Variants in LMO3 observed in about 807,000 individuals in gnomAD.
LMO3 encodes the protein LIM domain only protein 3.
In LMO3, 2 loss-of-function variants were observed where a neutral mutation model predicts 15.8. The ratio of observed to expected loss-of-function variants is 0.13; its 90% CI spans 0.05 to 0.40. The LOEUF is 0.40. LMO3 is among the 10% of genes least tolerant of loss of function. LMO3 has a pLI of 0.99. For missense variants in LMO3, 86 were observed against 182.2 expected, an observed-to-expected ratio of 0.47 and a Z score of 3.04; for synonymous variants, 62 against 63.8, an observed-to-expected ratio of 0.97 and a Z score of 0.13.
chr12:16,583,967 G>A (rs570975960), intron 2 of LMO3, among the ~76,000 whole-genome samples: 1 of 152,326 alleles, frequency 6.6e-6, no homozygotes, highest in Non-Finnish European at 1.5e-5. Context: ...CAGGACTACA[G>A]TGTGGAGTTT....
rs1486201753 is a variant in LMO3, at chr12:16,600,867, AC to A, written c.-8del. On this transcript the variant is annotated splice_region_variant and 5_prime_UTR_variant, in exon 2 of 4. Transcript: ENST00000537304. ...CTGGCTGGACTGAGAGCATTTGTATACCTAAAGGAAGACAAAAGCAAAAAAG... is the reference window on the plus strand; with the variant it reads ...CTGGCTGGACTGAGAGCATTTGTATACTAAAGGAAGACAAAAGCAAAAAAG... 1 of 1,612,344 alleles carries A rather than the reference AC, an allele frequency of 6.2e-7. No individual in the cohort carries two copies. Among genetic ancestry groups the A allele is most frequent in the Non-Finnish European group, 8.5e-7 (1 of 1,179,014 alleles).
intron 2 of LMO3, among the ~76,000 whole-genome samples, chr12:16,574,746 C>T (rs1011302267): frequency 6.6e-6 from 1 of 152,172 alleles, no homozygotes; most frequent in Admixed American, 6.6e-5. Context: ...AAAAGAAAGT[C>T]TTCTATAAAT....
chr12:16,583,308 CT>C (rs577230705), intron 2 of LMO3, among the ~76,000 whole-genome samples: 2 of 151,466 alleles, frequency 1.3e-5, no homozygotes, highest in Middle Eastern at 3.4e-3. Flanking sequence ...ACAGACTGTT[CT>C]TTTTTTTTAA....
In LMO3 at chr12:16,550,118, C is replaced by T. The variant is rs559222997; in HGVS notation, c.*1104G>A. 6.6e-6 allele frequency: 1 copy of T among 152,146 alleles called. No individual in the cohort carries two copies. Among genetic ancestry groups the T allele is most frequent in the East Asian group, 1.9e-4 (1 of 5,182 alleles). The allele number at this position is 152,146 out of a possible 1,614,324, so 9.4% of individuals were successfully genotyped here. A position where few individuals can be genotyped will look rare whatever the true frequency, so the allele number is the denominator to read the frequency against. On this transcript the variant is annotated 3_prime_UTR_variant, in exon 4 of 4. Transcript: ENST00000537304. ...AGAAGATTCTATGAGCATTATGTTG[C>T]TCCGATCAAAAGTAACCTCACTACT...
chr12:16,553,011 T>C (rs1005055162), intron 3 of LMO3, among the ~76,000 whole-genome samples: 3 of 152,124 alleles, frequency 2.0e-5, no homozygotes, highest in African/African-American at 7.2e-5. Context: ...GTCGACTTTG[T>C]AGGCTTGTGG....
rs543910508 is a variant in LMO3 at position 16,599,468 on chromosome 12, T to G, written c.206+1187A>C. On this transcript the variant is annotated intron_variant, in intron 2 of 3. Coordinates refer to ENST00000537304, the MANE Select transcript of LMO3 (RefSeq NM_018640.5). This position sits in a 1 kb window ranked among gnomAD's most constrained non-coding sequence, Gnocchi z 4.1. ...TTGGATCTGACTGAAAATAGCTGAA[T>G]TATATACTAAGAACGACCAAATTCC... is the stretch of plus-strand genomic sequence containing the variant. 1 of 152,272 alleles carries G rather than the reference T, an allele frequency of 6.6e-6. No individual in the cohort carries two copies. Among genetic ancestry groups the G allele is most frequent in the African/African-American group, 2.4e-5 (1 of 41,538 alleles). 9.4% of individuals were successfully genotyped at this position (152,272 alleles called of 1,614,324 possible).
In LMO3 at chr12:16,586,652, A is replaced by G. The variant is rs532655304; in HGVS notation, c.206+14003T>C. Among the ~76,000 whole-genome samples, 3 of 152,284 alleles carry G rather than the reference A, an allele frequency of 2.0e-5. No homozygotes were observed. The highest frequency in any genetic ancestry group is 7.2e-5 in the African/African-American group (3 of 41,564). On this transcript the variant is annotated intron_variant, in intron 2 of 3. Transcript: ENST00000537304. This position sits in a 1 kb window ranked among gnomAD's most constrained non-coding sequence, Gnocchi z 4.3. ...CCAAAGCCTGTCCTAGGATGTGGCA[A>G]TAAGGCTATACCGTCGGGGTAGAGA...
chr12:16,581,384 T>C (rs1269986808), intron 2 of LMO3, among the ~76,000 whole-genome samples: 1 of 152,190 alleles, frequency 6.6e-6, no homozygotes, highest in East Asian at 1.9e-4. Flanking sequence ...AATACTGTAG[T>C]TCCCAAGGGC....
At chr12:16,564,266 C>T (rs771289728) in intron 2 of LMO3, among the ~76,000 whole-genome samples, 2 of 152,082 alleles carry the variant, frequency 1.3e-5, no homozygotes, top group Non-Finnish European at 2.9e-5. Context: ...TGAGCATGCA[C>T]AGAGAAATAT....
At chr12:16,605,903 G>A (rs1198260475) in intron 1 of LMO3, 163 bp downstream of exon 1, 2 of 1,387,012 alleles carry the variant, frequency 1.4e-6, no homozygotes, top group African/African-American at 1.4e-5. Flanking sequence ...GCTGCAGCCC[G>A]AGTGAAAGTT....
Position 16,584,711 on chromosome 12 carries a change from A to G in LMO3, c.206+15944T>C, listed in dbSNP as rs1355817737. Among the ~76,000 whole-genome samples the G allele has an allele frequency of 6.6e-6, 1 of 152,124 alleles. No individual in the cohort carries two copies. Among genetic ancestry groups the G allele is most frequent in the Non-Finnish European group, 1.5e-5 (1 of 68,024 alleles). On this transcript the variant is annotated intron_variant, in intron 2 of 3. Transcript: ENST00000537304. This position sits in a 1 kb window ranked among gnomAD's most constrained non-coding sequence, Gnocchi z 5.2. ...TGCAATGGCTGCCATGAAGTTCAAG[A>G]AACAGCAAGAGATTTCTTTTATCAG...
At chr12:16,556,391 C>T (rs556230645) in intron 3 of LMO3, among the ~76,000 whole-genome samples, 38 of 152,242 alleles carry the variant, frequency 2.5e-4, no homozygotes, top group African/African-American at 8.4e-4. Flanking sequence ...TTTAGCTATA[C>T]GCCTCTAAAA....
Position 16,578,772 on chromosome 12 carries a change from C to T in LMO3, c.207-18234G>A, listed in dbSNP as rs370227621. Among the ~76,000 whole-genome samples, 24 of 151,798 alleles carry T rather than the reference C, an allele frequency of 1.6e-4. No individual in the cohort carries two copies. In the South Asian group the frequency reaches 3.1e-3, roughly 20 times the overall value. On this transcript the variant is annotated intron_variant, in intron 2 of 3. Transcript: ENST00000537304. ...GGCGGAGTTTGCAGTGAGCCGAGAT[C>T]GAGCCACTGAACTCCAGCCTGGGAG...
At chr12:16,600,072 A>C (rs2137696868) in intron 2 of LMO3, 1 of 152,646 alleles carries the variant, frequency 6.6e-6, no homozygotes, top group East Asian at 1.9e-4. Context: ...GATATTAACC[A>C]AGGATTTGCA....
chr12:16,574,155 C>A (rs1274523420), intron 2 of LMO3, among the ~76,000 whole-genome samples: 1 of 151,990 alleles, frequency 6.6e-6, no homozygotes, highest in Non-Finnish European at 1.5e-5. Context: ...CCACCAAGAC[C>A]CAGAGTAAGT....
intron 1 of LMO3, chr12:16,605,436 G>GGCCCCCC (rs1943957949): frequency 2.3e-4 from 87 of 372,612 alleles, no homozygotes; most frequent in South Asian, 1.7e-3. Flanking sequence ...CTACCCGCCT[G>GGCCCCCC]CCCCCCCCCC....
chr12:16,607,625 A>G (rs1462444016), upstream of LMO3: 1 of 152,172 alleles, frequency 6.6e-6, no homozygotes, highest in Admixed American at 6.5e-5. Context: ...GTCAGAGGTC[A>G]AGCTTAAAAA....
rs915152681 is a variant in LMO3 at position 16,593,865 on chromosome 12, G to T, written c.206+6790C>A. On this transcript the variant is annotated intron_variant, in intron 2 of 3. Transcript: ENST00000537304. The surrounding 1 kb of genome is among the most constrained non-coding windows in gnomAD (Gnocchi z 4.2). Reference sequence around the variant, plus strand: ...AAGCTTCGTGTAAGCACCTTGAAAAGGGAAATACATGGTTAATCATCAAAA... The same window carrying T: ...AAGCTTCGTGTAAGCACCTTGAAAATGGAAATACATGGTTAATCATCAAAA... Among the ~76,000 whole-genome samples, 16 of 151,670 alleles carry T rather than the reference G, an allele frequency of 1.1e-4. No individual in the cohort carries two copies. The highest frequency in any genetic ancestry group is 1.6e-4 in the Non-Finnish European group (11 of 67,698).
rs927259843 is a variant in LMO3, at chr12:16,603,636, T to A, written c.-9+2430A>T. Among the ~76,000 whole-genome samples the A allele has an allele frequency of 2.6e-5, 4 of 152,220 alleles. No homozygotes were observed. The highest frequency in any genetic ancestry group is 9.6e-5 in the African/African-American group (4 of 41,454). ...TAAAAAAAAGACATAAATAATAGCC[T>A]GTGCAGTGTGGTGTGCAGAAATAAG... is the stretch of plus-strand genomic sequence containing the variant. On this transcript the variant is annotated intron_variant, in intron 1 of 3. Transcript: ENST00000537304. The surrounding 1 kb of genome is among the most constrained non-coding windows in gnomAD (Gnocchi z 4.9).
Sources: gnomAD v4.1 joint callset for allele counts (sites outside exome capture counted in the v4.1 genomes callset) on GRCh38, gnomAD v4.1.1 for gene constraint, Gnocchi (gnomAD v3.1) non-coding constraint, MANE v1.5 for transcripts, NCBI Gene and HGNC (gene_info 2026-07-23, HGNC 2026-07-21) for gene names.